MAP3K5: variants seen among roughly 807,000 people sequenced by gnomAD.
The protein encoded by MAP3K5 is mitogen-activated protein kinase kinase kinase 5.
In MAP3K5, 56 loss-of-function variants were observed where a neutral mutation model predicts 158.7. That is an observed-to-expected ratio of 0.35 (90% CI 0.28 to 0.44). The LOEUF is 0.44. Ranked by LOEUF, MAP3K5 falls within the 20% of genes least tolerant of loss-of-function variation. The pLI, the probability that MAP3K5 is intolerant of heterozygous loss-of-function variation, is 1.00. For synonymous variants in MAP3K5, 579 were observed against 601.7 expected, an observed-to-expected ratio of 0.96 and a Z score of 0.55; for missense variants, 1,294 against 1,674.8, an observed-to-expected ratio of 0.77 and a Z score of 3.97.
At chr6:136,749,909 C>T (rs1274083404) in intron 1 of MAP3K5, among the ~76,000 whole-genome samples, 4 of 152,282 alleles carry the variant, frequency 2.6e-5, no homozygotes, top group East Asian at 3.9e-4. Context: ...GCAGCTATAT[C>T]GGTAAACCAC....
intron 4 of MAP3K5, among the ~76,000 whole-genome samples, chr6:136,697,984 A>T (rs889880591): frequency 1.3e-5 from 2 of 152,208 alleles, no homozygotes; most frequent in Non-Finnish European, 2.9e-5. Context: ...ATCTCAAGTG[A>T]TCTGCCCACC....
chr6:136,791,646 C>G, intron 1 of MAP3K5, 64 bp downstream of exon 1: 4 of 1,555,118 alleles, frequency 2.6e-6, no homozygotes, highest in Non-Finnish European at 3.5e-6. Context: ...TGAAATGCCC[C>G]GAAGACCGCC....
At chr6:136,706,863 A>T (rs961059859) in intron 2 of MAP3K5, among the ~76,000 whole-genome samples, 3 of 152,198 alleles carry the variant, frequency 2.0e-5, no homozygotes, top group African/African-American at 4.8e-5. Flanking sequence ...AAACACTAAA[A>T]ATGCCTGGTG....
intron 17 of MAP3K5, 100 bp from the exon 18 acceptor site, chr6:136,611,487 A>T: frequency 1.6e-6 from 1 of 619,442 alleles, no homozygotes; most frequent in South Asian, 2.2e-5. Flanking sequence ...AGGTGTCCTT[A>T]CAGCTACCAA....
chr6:136,660,863 A>G (rs889948252), intron 8 of MAP3K5, among the ~76,000 whole-genome samples: 1 of 152,210 alleles, frequency 6.6e-6, no homozygotes, highest in Non-Finnish European at 1.5e-5. Flanking sequence ...GTTAACTTGC[A>G]GATTTTTGTC....
At chr6:136,558,574 A>G (rs78066613) in intron 29 of MAP3K5, among the ~76,000 whole-genome samples, 2,115 of 152,302 alleles carry the variant, frequency 0.014, 45 homozygotes, top group African/African-American at 0.048. Context: ...CTTATTCAAA[A>G]AAATTCTTCC....
At chr6:136,598,937 C>T (rs968115268) in intron 21 of MAP3K5, among the ~76,000 whole-genome samples, 6 of 152,048 alleles carry the variant, frequency 3.9e-5, no homozygotes, top group Non-Finnish European at 5.9e-5. Context: ...TTTGGGAGGC[C>T]GAGGTGGTAG....
intron 5 of MAP3K5, among the ~76,000 whole-genome samples, chr6:136,696,518 C>T (rs566313182): frequency 2.8e-4 from 43 of 152,260 alleles, no homozygotes; most frequent in African/African-American, 9.9e-4. Flanking sequence ...TCCTATGTGC[C>T]ACAGCCCTCC....
At chr6:136,697,700 C>A (rs1442655553) in intron 4 of MAP3K5, among the ~76,000 whole-genome samples, 1 of 151,678 alleles carries the variant, frequency 6.6e-6, no homozygotes, top group African/African-American at 2.4e-5. Context: ...GTTTCCAGTA[C>A]AAATTGTTCT....
At chr6:136,572,019 ATG>A (rs1024115569) in intron 25 of MAP3K5, among the ~76,000 whole-genome samples, 28 of 152,156 alleles carry the variant, frequency 1.8e-4, no homozygotes, top group African/African-American at 6.8e-4. Flanking sequence ...AGTCAAAATC[ATG>A]TGTTTTACTT....
At chr6:136,751,667 A>G (rs1415079757) in intron 1 of MAP3K5, among the ~76,000 whole-genome samples, 5 of 152,232 alleles carry the variant, frequency 3.3e-5, no homozygotes, top group Admixed American at 3.3e-4. Context: ...ACTGCTTAAG[A>G]GGAAGAAAGC....
At chr6:136,672,989 C>CAAAAAA (rs538682132) in intron 7 of MAP3K5, among the ~76,000 whole-genome samples, 4 of 83,810 alleles carry the variant, frequency 4.8e-5, no homozygotes, top group Non-Finnish European at 5.3e-5. Context: ...GACTCTATCT[C>CAAAAAA]AAAAAAAAAA....
chr6:136,607,172 C>T (rs942043644), intron 18 of MAP3K5, among the ~76,000 whole-genome samples: 3 of 151,944 alleles, frequency 2.0e-5, no homozygotes, highest in Non-Finnish European at 4.4e-5. Flanking sequence ...ATGGTCTTTT[C>T]GAAAATGCAT....
rs573748521 is a variant in MAP3K5 at position 136,613,119 on chromosome 6, C to T, written c.2415+1G>A. 1 of 1,602,454 alleles carries T rather than the reference C, an allele frequency of 6.2e-7. No homozygotes were observed. The highest frequency in any genetic ancestry group is 1.1e-5 in the South Asian group (1 of 88,258). On this transcript the variant is annotated splice_donor_variant, in intron 17 of 29. Coordinates refer to ENST00000359015, the MANE Select transcript of MAP3K5 (RefSeq NM_005923.4). LOFTEE classifies it high-confidence loss of function. This position sits in a 1 kb window ranked among gnomAD's most constrained non-coding sequence, Gnocchi z 4.0. ...TGAAAATGAATGCTGGTGTACCTCA[C>T]CTTTATGTCCCGGTGAACTATCTGA...
intron 1 of MAP3K5, among the ~76,000 whole-genome samples, chr6:136,757,782 A>G (rs1255147484): frequency 6.6e-6 from 1 of 151,772 alleles, no homozygotes; most frequent in Non-Finnish European, 1.5e-5. Context: ...ATGGGGTTTC[A>G]CCTTGTTGGT....
intron 9 of MAP3K5, among the ~76,000 whole-genome samples, chr6:136,657,824 G>A (rs1778816362): frequency 6.6e-6 from 1 of 152,236 alleles, no homozygotes; most frequent in Non-Finnish European, 1.5e-5. Flanking sequence ...AGACACTCAT[G>A]CATGAAACCA....
At chr6:136,730,361 G>C (rs2114824410) in intron 1 of MAP3K5, among the ~76,000 whole-genome samples, 1 of 151,810 alleles carries the variant, frequency 6.6e-6, no homozygotes, top group East Asian at 1.9e-4. Flanking sequence ...TGGGGAGTGG[G>C]AGTGAATATA....
intron 1 of MAP3K5, among the ~76,000 whole-genome samples, chr6:136,780,201 T>C (rs1784561240): frequency 6.6e-6 from 1 of 152,222 alleles, no homozygotes; most frequent in Non-Finnish European, 1.5e-5. Flanking sequence ...ACAATGCTGT[T>C]GGGGTAAATA....
At chr6:136,737,363 C>T (rs1782522144) in intron 1 of MAP3K5, among the ~76,000 whole-genome samples, 1 of 152,040 alleles carries the variant, frequency 6.6e-6, no homozygotes, top group Non-Finnish European at 1.5e-5. Context: ...CGTAACAAAC[C>T]TGCACATGTA....
Sources: gnomAD v4.1 joint callset for allele counts (sites outside exome capture counted in the v4.1 genomes callset) on GRCh38, gnomAD v4.1.1 for gene constraint, Gnocchi (gnomAD v3.1) non-coding constraint, MANE v1.5 for transcripts, NCBI Gene and HGNC (gene_info 2026-07-23, HGNC 2026-07-21) for gene names.